The following GPR137B variants were observed in gnomAD, a reference collection of about 807,000 sequenced individuals.
The protein encoded by GPR137B is G protein-coupled receptor 137B, also known as integral membrane protein GPR137B.
In GPR137B, 42 loss-of-function variants were observed where a neutral mutation model predicts 42.5. That is an observed-to-expected ratio of 0.99 (90% CI 0.77 to 1.28). The LOEUF (loss-of-function observed/expected upper bound fraction) is 1.28. Ranked by LOEUF, GPR137B falls within the 50% of genes most tolerant of loss-of-function variation. The probability of loss-of-function intolerance (pLI) is 0.00; values close to 1 mark genes in which losing one functional copy is unlikely to be tolerated. For missense variants in GPR137B, 487 were observed against 493.9 expected, an observed-to-expected ratio of 0.99 and a Z score of 0.13; for synonymous variants, 218 against 209.7, an observed-to-expected ratio of 1.04 and a Z score of -0.34.
rs76683877 is a variant in GPR137B at position 236,179,760 on chromosome 1, A to G, written c.688-119A>G. 3.8e-3 allele frequency: 2,530 copies of G among 668,836 alleles called. 53 individuals are homozygous for G. The African/African-American group carries it at 0.041, about 11-fold the overall frequency. 41.4% of individuals were successfully genotyped at this position (668,836 alleles called of 1,614,324 possible). On this transcript the variant is annotated intron_variant, in intron 3 of 6. Transcript: ENST00000366592. ...AAGGACTCTGATGGAAGACCCAACA[A>G]GATCACAGTGCTCTGAGATCCCAAA...
intron 1 of GPR137B, among the ~76,000 whole-genome samples, chr1:236,151,308 G>A (rs1459482197): frequency 1.3e-5 from 2 of 152,052 alleles, no homozygotes; most frequent in African/African-American, 4.8e-5. Context: ...TAACCTATAA[G>A]GACAGATGAA....
chr1:236,205,488 C>G (rs1282857623), intron 6 of GPR137B, among the ~76,000 whole-genome samples: 1 of 152,114 alleles, frequency 6.6e-6, no homozygotes, highest in Non-Finnish European at 1.5e-5. Flanking sequence ...AAACAATATT[C>G]CATGAAACAC....
intron 1 of GPR137B, among the ~76,000 whole-genome samples, chr1:236,164,308 G>C (rs1008023180): frequency 1.3e-5 from 2 of 152,150 alleles, no homozygotes; most frequent in African/African-American, 2.4e-5. Context: ...TTGTTCCTTA[G>C]CCTCTCATAG....
In GPR137B at chr1:236,205,206, T is replaced by A. The variant is rs779573930; in HGVS notation, c.1047T>A (p.Asp349Glu). The A allele has an allele frequency of 6.2e-7, 1 of 1,613,486 alleles. No individual in the cohort carries two copies. The highest frequency in any genetic ancestry group is 8.5e-7 in the Non-Finnish European group (1 of 1,179,416). Residue 349 changes from aspartate to glutamate, a missense_variant, in exon 6 of 7, where the codon GAT becomes GAA. By Grantham distance (45) the Asp-to-Glu change is conservative. Transcript: ENST00000366592. ...FFDNPRRYDS[D>E]DDLAWNIAPQ... is the part of the protein sequence containing the mutation. ...ACAACCCTCGAAGATATGACAGTGA[T>A]GATGACCTTGCCTGGAACATTGCCC...
At chr1:236,166,858 GTGAGGGTGGTCT>G (rs1205477888) in intron 1 of GPR137B, among the ~76,000 whole-genome samples, 1 of 152,038 alleles carries the variant, frequency 6.6e-6, no homozygotes. Flanking sequence ...CACTATATTG[GTGAGGGTGGTCT>G]TGAACTCCTG....
chr1:236,154,783 C>A (rs775811899), intron 1 of GPR137B, among the ~76,000 whole-genome samples: 9 of 152,118 alleles, frequency 5.9e-5, no homozygotes, highest in Admixed American at 2.0e-4. Flanking sequence ...GCATCGTTTG[C>A]CAGCAAGGAT....
At chr1:236,196,264 T>C (rs1254201) in intron 5 of GPR137B, among the ~76,000 whole-genome samples, 88,043 of 151,822 alleles carry the variant, frequency 0.58, 28,896 homozygotes, top group African/African-American at 0.88. Context: ...GTCAGCCTCC[T>C]GAGTAGCTGG....
chr1:236,147,312 C>A (rs1392881960), intron 1 of GPR137B, among the ~76,000 whole-genome samples: 1 of 152,226 alleles, frequency 6.6e-6, no homozygotes, highest in Admixed American at 6.5e-5. Context: ...TGCTCTGGCG[C>A]CGCCTCTGTG....
intron 5 of GPR137B, among the ~76,000 whole-genome samples, chr1:236,185,787 A>G: frequency 6.6e-6 from 1 of 152,210 alleles, no homozygotes; most frequent in Admixed American, 6.5e-5. Context: ...ACTCACTTAC[A>G]TAATTCACCC....
At chr1:236,177,974 A>G (rs1222288358) in intron 2 of GPR137B, among the ~76,000 whole-genome samples, 1 of 152,118 alleles carries the variant, frequency 6.6e-6, no homozygotes, top group Non-Finnish European at 1.5e-5. Context: ...CAAAAGACCT[A>G]TACATAAGGT....
At chr1:236,192,115 A>G (rs1197958473) in intron 5 of GPR137B, among the ~76,000 whole-genome samples, 1 of 152,150 alleles carries the variant, frequency 6.6e-6, no homozygotes, top group African/African-American at 2.4e-5. Context: ...GGCTTTGTTT[A>G]CACTGTGAGG....
At chr1:236,170,993 A>G (rs897875754) in intron 2 of GPR137B, among the ~76,000 whole-genome samples, 1 of 127,524 alleles carries the variant, frequency 7.8e-6, no homozygotes, top group Admixed American at 7.8e-5. Context: ...AAAAAAAGGA[A>G]AAAGATATTT....
rs3082534 is a variant in GPR137B, at chr1:236,178,785, GTTTTTTTTTTTT to G, written c.687+168_687+179del. 85 of 49,492 alleles carry G rather than the reference GTTTTTTTTTTTT, an allele frequency of 1.7e-3. 1 individual carries two copies. The highest frequency in any genetic ancestry group is 0.014 in the Middle Eastern group (1 of 70). The allele number at this position is 49,492 out of a possible 1,614,324, so 3.1% of individuals were successfully genotyped here. ...GTCTCCCACACAGGGGCTACTCGAG[GTTTTTTTTTTTT>G]TTTTTTTTTTTTTTTTTTGAGACGG... On this transcript the variant is annotated intron_variant, in intron 3 of 6. Transcript: ENST00000366592.
In GPR137B at chr1:236,169,985, A is replaced by AGCCAAGATTGCACCAC. The variant is rs1662484181; in HGVS notation, c.464+1231_464+1246dup. Among the ~76,000 whole-genome samples, 3 of 150,420 alleles carry AGCCAAGATTGCACCAC rather than the reference A, an allele frequency of 2.0e-5. No homozygotes were observed. In the South Asian group the frequency reaches 6.3e-4, roughly 32 times the overall value. On this transcript the variant is annotated intron_variant, in intron 2 of 6. Coordinates refer to ENST00000366592, the MANE Select transcript of GPR137B (RefSeq NM_003272.4). ...AGCTCAGGAGGCAGAGGTTGCAGTA[A>AGCCAAGATTGCACCAC]GCCAAGATTGCACCACTGTGCTGCA... is the stretch of plus-strand genomic sequence containing the variant.
At chr1:236,175,925 C>T (rs1662672548) in intron 2 of GPR137B, among the ~76,000 whole-genome samples, 1 of 152,174 alleles carries the variant, frequency 6.6e-6, no homozygotes, top group Admixed American at 6.5e-5. Context: ...CAACAGGTTC[C>T]AGGAAGAGAA....
rs914822228 is a variant in GPR137B, at chr1:236,155,990, C to T, written c.415-12716C>T. ...ACACATGCACACACACGCGCGCGCGCAAACACACATGCATACACCTGAGGA... is the reference window on the plus strand; with the variant it reads ...ACACATGCACACACACGCGCGCGCGTAAACACACATGCATACACCTGAGGA... On this transcript the variant is annotated intron_variant, in intron 1 of 6. Transcript: ENST00000366592. This position sits in a 1 kb window ranked among gnomAD's most constrained non-coding sequence, Gnocchi z 4.6. Among the ~76,000 whole-genome samples, 1 of 152,178 alleles carries T rather than the reference C, an allele frequency of 6.6e-6. No individual in the cohort carries two copies. The highest frequency in any genetic ancestry group is 2.4e-5 in the African/African-American group (1 of 41,438).
At chr1:236,197,851 G>C (rs1663383267) in intron 5 of GPR137B, among the ~76,000 whole-genome samples, 1 of 152,138 alleles carries the variant, frequency 6.6e-6, no homozygotes, top group South Asian at 2.1e-4. Flanking sequence ...CTCCTGAGTA[G>C]GTGGGATTAC....
intron 1 of GPR137B, among the ~76,000 whole-genome samples, chr1:236,160,146 G>T (rs1426410359): frequency 6.6e-6 from 1 of 152,198 alleles, no homozygotes; most frequent in Non-Finnish European, 1.5e-5. Context: ...CAAACTTCAG[G>T]GTTTCTGATC....
intron 1 of GPR137B, among the ~76,000 whole-genome samples, chr1:236,161,283 G>A (rs1215067718): frequency 6.6e-6 from 1 of 152,038 alleles, no homozygotes; most frequent in Non-Finnish European, 1.5e-5. Flanking sequence ...CTGGACAGCG[G>A]CCTCTTCCTG....
Sources: gnomAD v4.1 joint callset for allele counts (sites outside exome capture counted in the v4.1 genomes callset) on GRCh38, gnomAD v4.1.1 for gene constraint, Gnocchi (gnomAD v3.1) non-coding constraint, MANE v1.5 for transcripts, NCBI Gene and HGNC (gene_info 2026-07-23, HGNC 2026-07-21) for gene names.